The following FYN variants were observed in gnomAD, a reference collection of about 807,000 sequenced individuals.
The protein encoded by FYN is tyrosine-protein kinase Fyn.
A neutral mutation model predicts 70.2 loss-of-function variants in FYN; 10 were observed. That is an observed-to-expected ratio of 0.14 (90% confidence interval 0.09 to 0.24). The LOEUF is 0.24. Among genes scored for constraint, FYN ranks in the 10% least tolerant of loss-of-function variants. The probability of loss-of-function intolerance (pLI) is 1.00; values close to 1 mark genes in which losing one functional copy is unlikely to be tolerated. For missense variants in FYN, 319 were observed against 673.1 expected, an observed-to-expected ratio of 0.47 and a Z score of 5.82; for synonymous variants, 236 against 248.6, an observed-to-expected ratio of 0.95 and a Z score of 0.48.
chr6:111,682,290 A>G (rs887502901), intron 12 of FYN, among the ~76,000 whole-genome samples: 23 of 152,214 alleles, frequency 1.5e-4, no homozygotes, highest in African/African-American at 5.3e-4. Flanking sequence ...ATACGACAGC[A>G]CAGCCTGACT....
Position 111,863,284 on chromosome 6 carries a change from C to T in FYN, c.-123+9684G>A, listed in dbSNP as rs140745060. ...AGAAATCAGCGCTTCTTAAAATATC[C>T]TTATGTGCATGTATGTGCCTAGGTA... On this transcript the variant is annotated intron_variant, in intron 1 of 13. Transcript: ENST00000354650. Among the ~76,000 whole-genome samples, 871 of 152,292 alleles carry T rather than the reference C, an allele frequency of 5.7e-3. 5 individuals carry two copies. The highest frequency in any genetic ancestry group is 0.019 in the South Asian group (94 of 4,828).
At chr6:111,848,121 G>A (rs1773584042) in intron 1 of FYN, among the ~76,000 whole-genome samples, 2 of 152,140 alleles carry the variant, frequency 1.3e-5, no homozygotes, top group South Asian at 4.1e-4. Context: ...AATACTATGA[G>A]AACTCTTCAC....
In FYN at chr6:111,761,057, T is replaced by C. The variant is rs143877489; in HGVS notation, c.-12+19509A>G. On this transcript the variant is annotated intron_variant, in intron 3 of 13. Coordinates refer to ENST00000354650, the MANE Select transcript of FYN (RefSeq NM_002037.5). ...AGATGATGAAACTGTGGTGCAGAGA[T>C]GCAAAGACACAAGATGTGTTCACAT... 2.3e-3 allele frequency among the ~76,000 whole-genome samples: 348 copies of C among 152,304 alleles called. 1 individual carries two copies. The highest frequency in any genetic ancestry group is 8.1e-3 in the African/African-American group (336 of 41,568).
chr6:111,696,837 G>A (rs897782975), intron 9 of FYN: 2 of 157,364 alleles, frequency 1.3e-5, no homozygotes, highest in African/African-American at 4.8e-5. Context: ...CCCTTAGGGA[G>A]TACAGTGTGC....
chr6:111,721,167 C>T (rs1017045314), intron 3 of FYN, among the ~76,000 whole-genome samples: 3 of 152,192 alleles, frequency 2.0e-5, no homozygotes, highest in Non-Finnish European at 4.4e-5. Context: ...TCCGACTGCC[C>T]TGCCCTTCCA....
intron 3 of FYN, among the ~76,000 whole-genome samples, chr6:111,720,630 A>T (rs1391973789): frequency 2.0e-5 from 3 of 152,192 alleles, no homozygotes; most frequent in Non-Finnish European, 4.4e-5. Flanking sequence ...TAAGTATCAA[A>T]ACTAAGAACT....
rs142068961 is a variant in FYN at position 111,728,570 on chromosome 6, T to C, written c.-11-8508A>G. On this transcript the variant is annotated intron_variant, in intron 3 of 13. Coordinates refer to ENST00000354650, the MANE Select transcript of FYN (RefSeq NM_002037.5). ...TCTGTCTCTATGGATTTGCCTATTC[T>C]TGACATTTCATATCAACAGAGTCAC... 6.7e-3 allele frequency among the ~76,000 whole-genome samples: 1,023 copies of C among 152,378 alleles called. 8 individuals carry two copies. The highest frequency in any genetic ancestry group is 0.02 in the Middle Eastern group (6 of 294).
chr6:111,857,152 T>G (rs1773843162), intron 1 of FYN, among the ~76,000 whole-genome samples: 1 of 152,192 alleles, frequency 6.6e-6, no homozygotes, highest in Admixed American at 6.5e-5. Flanking sequence ...TGAATAAAAA[T>G]GAAGAGCATT....
At chr6:111,738,647 C>T (rs755998540) in intron 3 of FYN, among the ~76,000 whole-genome samples, 1 of 152,206 alleles carries the variant, frequency 6.6e-6, no homozygotes, top group African/African-American at 2.4e-5. Context: ...CAAAACTCAC[C>T]TCACCTAGTG....
At chr6:111,667,028 T>C (rs1345106640) in intron 13 of FYN, among the ~76,000 whole-genome samples, 2 of 152,166 alleles carry the variant, frequency 1.3e-5, no homozygotes, top group African/African-American at 4.8e-5. Context: ...ATGATTATAT[T>C]ATCCTTTCTA....
intron 2 of FYN, among the ~76,000 whole-genome samples, chr6:111,813,185 T>C (rs1230336454): frequency 6.6e-6 from 1 of 152,230 alleles, no homozygotes; most frequent in Non-Finnish European, 1.5e-5. Flanking sequence ...AAATAACTGA[T>C]ATTTTCCCTC....
chr6:111,667,975 G>A (rs1442433711), intron 13 of FYN, among the ~76,000 whole-genome samples: 1 of 152,208 alleles, frequency 6.6e-6, no homozygotes, highest in African/African-American at 2.4e-5. Context: ...AATTCCTTTT[G>A]CTAACTGAGC....
chr6:111,840,053 A>G (rs951764687), intron 2 of FYN, among the ~76,000 whole-genome samples: 1 of 152,206 alleles, frequency 6.6e-6, no homozygotes, highest in African/African-American at 2.4e-5. Context: ...ACTGGAGAAG[A>G]GACTAGTTCT....
intron 6 of FYN, among the ~76,000 whole-genome samples, chr6:111,706,576 A>G (rs1028886284): frequency 1.3e-5 from 2 of 152,240 alleles, no homozygotes; most frequent in African/African-American, 4.8e-5. Context: ...AATGCCGTGT[A>G]AAACAGTGGT....
chr6:111,843,488 A>G (rs1345849358), intron 2 of FYN, among the ~76,000 whole-genome samples: 1 of 152,184 alleles, frequency 6.6e-6, no homozygotes, highest in African/African-American at 2.4e-5. Flanking sequence ...GGAAAAGAAA[A>G]TATTTGCTTT....
At chr6:111,826,645 G>A (rs746939775) in intron 2 of FYN, among the ~76,000 whole-genome samples, 1 of 152,106 alleles carries the variant, frequency 6.6e-6, no homozygotes, top group African/African-American at 2.4e-5. Context: ...TTGCACTCTT[G>A]CTTGCATTTC....
In FYN at chr6:111,694,317, G is replaced by A; in HGVS notation, c.1273+58C>T. The A allele has an allele frequency of 1.3e-6, 2 of 1,589,380 alleles. No individual in the cohort carries two copies. Among genetic ancestry groups the A allele is most frequent in the Admixed American group, 1.7e-5 (1 of 59,552 alleles). Reference sequence around the variant, plus strand: ...AAGGGAAGGAGGAAGGAAGGGCTGTGCAGTAAGTGACTGTTCTCACAGCTG... The same window carrying A: ...AAGGGAAGGAGGAAGGAAGGGCTGTACAGTAAGTGACTGTTCTCACAGCTG... On this transcript the variant is annotated intron_variant, in intron 12 of 13. Transcript: ENST00000354650. The surrounding 1 kb of genome is among the most constrained non-coding windows in gnomAD (Gnocchi z 5.0).
chr6:111,859,028 T>C (rs1262276713), intron 1 of FYN, among the ~76,000 whole-genome samples: 1 of 152,074 alleles, frequency 6.6e-6, no homozygotes, highest in African/African-American at 2.4e-5. Context: ...AAACCACCCC[T>C]GCATCAGCAT....
chr6:111,676,299 T>C (rs1798527855), intron 12 of FYN: 1 of 152,246 alleles, frequency 6.6e-6, no homozygotes, highest in Non-Finnish European at 1.5e-5. Flanking sequence ...ACTATTTCAT[T>C]ATGAGGCATC....
Sources: allele counts gnomAD v4.1 joint callset (sites outside exome capture counted in the v4.1 genomes callset), GRCh38; gene constraint gnomAD v4.1.1; non-coding constraint Gnocchi (gnomAD v3.1); transcripts MANE v1.5; gene names NCBI Gene and HGNC (gene_info 2026-07-23, HGNC 2026-07-21).